Variants in NRXN3 observed in about 807,000 individuals in gnomAD.
The protein encoded by NRXN3 is neurexin III.
A neutral mutation model predicts 137.6 loss-of-function variants in NRXN3; 32 were observed. That is an observed-to-expected ratio of 0.23 (90% CI 0.18 to 0.31). The LOEUF is 0.31. NRXN3 is among the 10% of genes least tolerant of loss of function. The pLI, the probability that NRXN3 is intolerant of heterozygous loss-of-function variation, is 1.00. For missense variants in NRXN3, 1,574 were observed against 2,062.5 expected (o/e 0.76, Z 4.59); for synonymous variants, 798 against 784.5 (o/e 1.02, Z -0.29).
chr14:78,939,899 C>T (rs1047453480), intron 10 of NRXN3, among the ~76,000 whole-genome samples: 7 of 152,238 alleles, frequency 4.6e-5, no homozygotes, highest in East Asian at 1.9e-4. Flanking sequence ...TTGCTCCCTA[C>T]GCTTTAATCC....
At chr14:79,298,112 T>C (rs2084505919) in intron 15 of NRXN3, among the ~76,000 whole-genome samples, 1 of 152,036 alleles carries the variant, frequency 6.6e-6, no homozygotes, top group African/African-American at 2.4e-5. Flanking sequence ...CTGAATCCTT[T>C]ATTTCTGAAG....
chr14:78,463,994 C>T (rs987040804), intron 4 of NRXN3, among the ~76,000 whole-genome samples: 3 of 151,244 alleles, frequency 2.0e-5, no homozygotes, highest in African/African-American at 7.3e-5. Flanking sequence ...TTTTATGCTG[C>T]CTATTTATAT....
intron 15 of NRXN3, among the ~76,000 whole-genome samples, chr14:79,136,741 G>C (rs2058265613): frequency 6.6e-6 from 1 of 152,176 alleles, no homozygotes; most frequent in Non-Finnish European, 1.5e-5. Flanking sequence ...GTTCCCCAGG[G>C]ACTGCCAGTA....
At chr14:78,583,381 T>C (rs2097024164) in intron 4 of NRXN3, among the ~76,000 whole-genome samples, 1 of 151,842 alleles carries the variant, frequency 6.6e-6, no homozygotes, top group Non-Finnish European at 1.5e-5. Flanking sequence ...AGGATCTATA[T>C]TTATAATGAA....
In NRXN3 at chr14:78,556,479, TG is replaced by T. The variant is rs542901305; in HGVS notation, c.758-88639del. ...TTCTTAAACTAGCCAATGTTAATCT[TG>T]GTGCTGAGACATATTGATGGTATGT... On this transcript the variant is annotated intron_variant, in intron 4 of 20. Transcript: ENST00000335750. Among the ~76,000 whole-genome samples the T allele has an allele frequency of 4.0e-4, 61 of 152,330 alleles. 1 individual carries two copies. The South Asian group carries it at 0.012, about 31-fold the overall frequency.
chr14:78,718,557 G>T (rs1454732882), intron 8 of NRXN3, among the ~76,000 whole-genome samples: 1 of 152,166 alleles, frequency 6.6e-6, no homozygotes, highest in Non-Finnish European at 1.5e-5. Context: ...GTGTGTATAT[G>T]ATACTAAGAT....
intron 20 of NRXN3, among the ~76,000 whole-genome samples, chr14:79,849,278 A>T (rs1364231764): frequency 1.3e-5 from 2 of 152,170 alleles, no homozygotes; most frequent in East Asian, 3.9e-4. Flanking sequence ...TAAACAAAAC[A>T]CTTCTTCACA....
chr14:79,198,211 C>T lies in NRXN3; in HGVS notation c.3262+210070C>T, dbSNP rs542280683. 2.0e-5 allele frequency among the ~76,000 whole-genome samples: 3 copies of T among 152,244 alleles called. No individual in the cohort carries two copies. In the East Asian group the frequency reaches 5.8e-4, roughly 29 times the overall value. On this transcript the variant is annotated intron_variant, in intron 15 of 20. Coordinates refer to ENST00000335750, the MANE Select transcript of NRXN3 (RefSeq NM_001330195.2). ...ATGTTCTCCTTCCCCCTTATGTGCT[C>T]TTGTTTTGAATTGCAAATATTCAGT...
At position 78,726,812 on chromosome 14, in the gene NRXN3, C is replaced by T. The variant is rs2098486097; in HGVS notation, c.2044+11673C>T. On this transcript the variant is annotated intron_variant, in intron 8 of 20. Coordinates refer to ENST00000335750, the MANE Select transcript of NRXN3 (RefSeq NM_001330195.2). Reference sequence around the variant, plus strand: ...GGGATTACAGGCGTGAGTCATCACACCTGGCCTCATTTTAGCCATTTTTAT... The same window carrying T: ...GGGATTACAGGCGTGAGTCATCACATCTGGCCTCATTTTAGCCATTTTTAT... Among the ~76,000 whole-genome samples, 2 of 152,054 alleles carry T rather than the reference C, an allele frequency of 1.3e-5. 1 individual carries two copies. Among genetic ancestry groups the T allele is most frequent in the South Asian group, 4.1e-4 (2 of 4,824 alleles).
intron 4 of NRXN3, among the ~76,000 whole-genome samples, chr14:78,363,393 G>T (rs2085423417): frequency 2.6e-5 from 4 of 152,192 alleles, no homozygotes; most frequent in South Asian, 2.1e-4. Context: ...GTGAAGAAGA[G>T]AACTTTTTAT....
chr14:79,124,747 A>G (rs967743209), intron 15 of NRXN3, among the ~76,000 whole-genome samples: 8 of 152,236 alleles, frequency 5.3e-5, no homozygotes, highest in Non-Finnish European at 1.2e-4. Context: ...TAATACCTGG[A>G]ACATGACTCT....
intron 15 of NRXN3, among the ~76,000 whole-genome samples, chr14:79,209,749 C>G (rs373379431): frequency 2.0e-5 from 3 of 152,264 alleles, no homozygotes; most frequent in African/African-American, 7.2e-5. Flanking sequence ...GTGCTTGGCA[C>G]ATGAAAGATG....
chr14:78,863,654 T>G (rs977819179), intron 10 of NRXN3, among the ~76,000 whole-genome samples: 2 of 152,136 alleles, frequency 1.3e-5, no homozygotes, highest in African/African-American at 4.8e-5. Flanking sequence ...GATCATTGAT[T>G]TGATCTCTAA....
At chr14:79,730,965 C>T (rs1177882324) in intron 19 of NRXN3, among the ~76,000 whole-genome samples, 1 of 152,144 alleles carries the variant, frequency 6.6e-6, no homozygotes, top group Non-Finnish European at 1.5e-5. Flanking sequence ...AAAGTAATCC[C>T]TGTGCCTACC....
At position 79,732,741 on chromosome 14, in the gene NRXN3, A is replaced by G. The variant is rs2098928546; in HGVS notation, c.4014+34804A>G. Among the ~76,000 whole-genome samples, 3 of 152,176 alleles carry G rather than the reference A, an allele frequency of 2.0e-5. No homozygotes were observed. The South Asian group carries it at 6.2e-4, about 32-fold the overall frequency. Reference sequence around the variant, plus strand: ...TAATTCCCACAATAACTGTACAAATATGGTTCTCTTGCCTCCATCTTATAT... The same window carrying G: ...TAATTCCCACAATAACTGTACAAATGTGGTTCTCTTGCCTCCATCTTATAT... On this transcript the variant is annotated intron_variant, in intron 19 of 20. Coordinates refer to ENST00000335750, the MANE Select transcript of NRXN3 (RefSeq NM_001330195.2).
At chr14:79,815,875 T>C (rs775640784) in intron 20 of NRXN3, among the ~76,000 whole-genome samples, 10 of 152,184 alleles carry the variant, frequency 6.6e-5, no homozygotes, top group Non-Finnish European at 1.5e-4. Flanking sequence ...TAAAATTTAG[T>C]AAAATAATTA....
intron 20 of NRXN3, among the ~76,000 whole-genome samples, chr14:79,826,832 G>A (rs1353667904): frequency 6.6e-6 from 1 of 152,156 alleles, no homozygotes; most frequent in Non-Finnish European, 1.5e-5. Context: ...TCACAGACCA[G>A]TAAGAGCAAG....
chr14:79,189,077 C>G (rs1221498339), intron 15 of NRXN3, among the ~76,000 whole-genome samples: 3 of 151,874 alleles, frequency 2.0e-5, no homozygotes, highest in Non-Finnish European at 4.4e-5. Flanking sequence ...GCTATAAAGA[C>G]ACACGCACAC....
At chr14:78,893,802 G>A (rs912718554) in intron 10 of NRXN3, among the ~76,000 whole-genome samples, 12 of 151,880 alleles carry the variant, frequency 7.9e-5, no homozygotes, top group Non-Finnish European at 1.5e-4. Context: ...ACATACCTTA[G>A]AGATATTGTG....
Sources: gnomAD v4.1 joint callset for allele counts (sites outside exome capture counted in the v4.1 genomes callset) on GRCh38, gnomAD v4.1.1 for gene constraint, MANE v1.5 for transcripts, NCBI Gene and HGNC (gene_info 2026-07-23, HGNC 2026-07-21) for gene names.